PBX3: variants seen among roughly 807,000 people sequenced by gnomAD.
The protein encoded by PBX3 is PBX homeobox 3.
Under a neutral mutation model 48.5 loss-of-function variants are expected in PBX3, and 14 were observed. That is an observed-to-expected ratio of 0.29 (90% confidence interval 0.19 to 0.45). The LOEUF is 0.45. Ranked by LOEUF, PBX3 falls within the 20% of genes least tolerant of loss-of-function variation. The pLI is 1.00. For missense variants in PBX3, 386 were observed against 546.7 expected (o/e 0.71, Z 2.93); for synonymous variants, 210 against 200.3 (o/e 1.05, Z -0.41).
chr9:125,929,657 A>G lies in PBX3; in HGVS notation c.519A>G (p.Ala173=), dbSNP rs1408893213. ...GTGATTTTTTTTTCCCATTACAGGC[A>G]TGTAATGAATTTACTACACATGTGA... is the stretch of plus-strand genomic sequence containing the variant. ...YHTELEKYEQ[A]CNEFTTHVMN... is the part of the protein sequence containing the mutation. Residue 173 remains alanine (A), a splice_region_variant and synonymous_variant, in exon 4 of 9, where the codon GCA becomes GCG. Coordinates refer to ENST00000373489, the MANE Select transcript of PBX3 (RefSeq NM_006195.6). 6.3e-7 allele frequency: 1 copy of G among 1,599,306 alleles called. No homozygotes were observed. Among genetic ancestry groups the G allele is most frequent in the South Asian group, 1.1e-5 (1 of 89,168 alleles).
At chr9:125,904,050 A>G (rs1233654186) in intron 2 of PBX3, among the ~76,000 whole-genome samples, 5 of 151,900 alleles carry the variant, frequency 3.3e-5, no homozygotes, top group Non-Finnish European at 7.4e-5. Flanking sequence ...AAAGCTCTCA[A>G]AAAATGTGAG....
At chr9:125,942,009 G>A (rs1841967616) in intron 5 of PBX3, among the ~76,000 whole-genome samples, 1 of 152,182 alleles carries the variant, frequency 6.6e-6, no homozygotes, top group South Asian at 2.1e-4. Flanking sequence ...ACAAAAATGA[G>A]AACCAGAAAT....
intron 2 of PBX3, among the ~76,000 whole-genome samples, chr9:125,760,564 A>C (rs1044922515): frequency 6.6e-6 from 1 of 152,182 alleles, no homozygotes; most frequent in Non-Finnish European, 1.5e-5. Context: ...TATGTTTTAA[A>C]AATTATTTTT....
intron 2 of PBX3, among the ~76,000 whole-genome samples, chr9:125,815,040 C>T (rs1838417147): frequency 6.6e-6 from 1 of 152,000 alleles, no homozygotes; most frequent in Non-Finnish European, 1.5e-5. Context: ...TTTCTTTTTC[C>T]TTACTTGTAT....
chr9:125,883,517 G>T (rs553476015), intron 2 of PBX3, among the ~76,000 whole-genome samples: 1 of 151,944 alleles, frequency 6.6e-6, no homozygotes, highest in Non-Finnish European at 1.5e-5. Context: ...CTAAATATGT[G>T]CTATGACTTT....
intron 2 of PBX3, among the ~76,000 whole-genome samples, chr9:125,790,598 C>T (rs541509604): frequency 1.0e-4 from 15 of 146,506 alleles, no homozygotes; most frequent in Non-Finnish European, 1.4e-4. Flanking sequence ...AAACAGAGTC[C>T]TGTTCTGTCA....
intron 2 of PBX3, among the ~76,000 whole-genome samples, chr9:125,761,799 A>G (rs1836675390): frequency 6.6e-6 from 1 of 152,166 alleles, no homozygotes; most frequent in South Asian, 2.1e-4. Flanking sequence ...CTATAGAGGA[A>G]TGAGACTGAA....
At chr9:125,827,223 T>C (rs1296584721) in intron 2 of PBX3, among the ~76,000 whole-genome samples, 2 of 152,216 alleles carry the variant, frequency 1.3e-5, no homozygotes, top group East Asian at 3.8e-4. Flanking sequence ...TAAAGACCCA[T>C]GTAGGGTATA....
intron 2 of PBX3, among the ~76,000 whole-genome samples, chr9:125,848,951 A>G (rs906484622): frequency 2.6e-5 from 4 of 152,030 alleles, no homozygotes; most frequent in African/African-American, 4.8e-5. Flanking sequence ...AAGAACAGAA[A>G]CACTTATTGA....
chr9:125,891,421 C>T (rs1395775781), intron 2 of PBX3, among the ~76,000 whole-genome samples: 1 of 152,036 alleles, frequency 6.6e-6, no homozygotes, highest in African/African-American at 2.4e-5. Context: ...GAGGTTCAGT[C>T]AAATGGACAG....
At chr9:125,835,280 A>C (rs756777883) in intron 2 of PBX3, among the ~76,000 whole-genome samples, 3 of 152,144 alleles carry the variant, frequency 2.0e-5, no homozygotes, top group Non-Finnish European at 4.4e-5. Flanking sequence ...TGTTTGATGT[A>C]GGAGGAAGAG....
chr9:125,846,248 G>T (rs1180283342), intron 2 of PBX3, among the ~76,000 whole-genome samples: 1 of 151,964 alleles, frequency 6.6e-6, no homozygotes, highest in African/African-American at 2.4e-5. Context: ...AGGATTGTGG[G>T]ATAAGTGTTA....
chr9:125,941,902 A>G (rs182389467), intron 5 of PBX3, among the ~76,000 whole-genome samples: 17 of 152,212 alleles, frequency 1.1e-4, no homozygotes, highest in Admixed American at 9.8e-4. Context: ...AACTGGCTGT[A>G]TTTTCTCTGC....
At chr9:125,915,458 G>A (rs879524625) in intron 2 of PBX3, among the ~76,000 whole-genome samples, 10 of 152,048 alleles carry the variant, frequency 6.6e-5, no homozygotes, top group Admixed American at 2.0e-4. Flanking sequence ...GGTAAATTGA[G>A]GCGGTGGGGG....
intron 2 of PBX3, among the ~76,000 whole-genome samples, chr9:125,782,838 A>G (rs1381954174): frequency 1.3e-5 from 2 of 152,128 alleles, no homozygotes; most frequent in East Asian, 1.9e-4. Flanking sequence ...AATTCTTAGT[A>G]GGCAGGTTTT....
At chr9:125,828,814 C>A (rs1447772976) in intron 2 of PBX3, among the ~76,000 whole-genome samples, 1 of 152,152 alleles carries the variant, frequency 6.6e-6, no homozygotes, top group East Asian at 1.9e-4. Context: ...GATTTGTTTG[C>A]CTTTATTCCT....
chr9:125,889,672 C>T (rs116682310), intron 2 of PBX3, among the ~76,000 whole-genome samples: 1,904 of 152,102 alleles, frequency 0.013, 41 homozygotes, highest in African/African-American at 0.042. Context: ...CCGCACATGA[C>T]ACGGAGGCTG....
At chr9:125,846,927 T>A (rs538469572) in intron 2 of PBX3, among the ~76,000 whole-genome samples, 1 of 152,058 alleles carries the variant, frequency 6.6e-6, no homozygotes, top group Admixed American at 6.6e-5. Context: ...TTTGTACTTT[T>A]TTGTTGAAAA....
chr9:125,825,279 G>T (rs536915659), intron 2 of PBX3, among the ~76,000 whole-genome samples: 1 of 151,626 alleles, frequency 6.6e-6, no homozygotes, highest in Non-Finnish European at 1.5e-5. Flanking sequence ...GTGAGACTCT[G>T]TCCCCCGCAA....
Sources: allele counts gnomAD v4.1 joint callset (sites outside exome capture counted in the v4.1 genomes callset), GRCh38; gene constraint gnomAD v4.1.1; transcripts MANE v1.5; gene names NCBI Gene and HGNC (gene_info 2026-07-23, HGNC 2026-07-21).